Variants in IGSF11 observed in about 807,000 individuals in gnomAD.
The protein encoded by IGSF11 is CXADR like 1.
A neutral mutation model predicts 41.0 loss-of-function variants in IGSF11; 22 were observed. The observed-to-expected ratio is 0.54, with a 90% CI of 0.38 to 0.77. The LOEUF is 0.77. Ranked by LOEUF, IGSF11 falls within the 30% of genes least tolerant of loss-of-function variation. IGSF11 has a pLI of 0.00. For missense variants in IGSF11, 444 were observed against 530.8 expected (o/e 0.84, Z 1.61); for synonymous variants, 219 against 201.3 (o/e 1.09, Z -0.74).
chr3:119,129,618 A>G lies in IGSF11; in HGVS notation c.-14+16195T>C, dbSNP rs182598155. On this transcript the variant is annotated intron_variant, in intron 1 of 7. Coordinates refer to the IGSF11 transcript ENST00000425327. ...AGTGTTAAGTTGCTATAAACTTAAA[A>G]TAACTGATTATAAGATAGTATTTGC... 2.0e-4 allele frequency among the ~76,000 whole-genome samples: 30 copies of G among 152,330 alleles called. No homozygotes were observed. The East Asian group carries it at 5.4e-3, about 27-fold the overall frequency.
intron 1 of IGSF11, among the ~76,000 whole-genome samples, chr3:118,972,469 C>T (rs542140540): frequency 1.3e-5 from 2 of 152,236 alleles, no homozygotes; most frequent in South Asian, 2.1e-4. Context: ...CTGCAGGTTC[C>T]GTAGGGGCAA....
chr3:118,946,597 T>C (rs565451565), intron 1 of IGSF11, among the ~76,000 whole-genome samples: 3 of 152,332 alleles, frequency 2.0e-5, no homozygotes, highest in East Asian at 3.9e-4. Flanking sequence ...TATAGGATTA[T>C]GACTTTGTGT....
chr3:119,141,156 T>C (rs759592284), intron 1 of IGSF11, among the ~76,000 whole-genome samples: 144 of 151,590 alleles, frequency 9.5e-4, no homozygotes, highest in Non-Finnish European at 1.7e-3. Context: ...AAACAACACA[T>C]TCTTAATTAA....
intron 1 of IGSF11, among the ~76,000 whole-genome samples, chr3:119,069,756 C>T (rs555973727): frequency 6.6e-6 from 1 of 151,872 alleles, no homozygotes; most frequent in East Asian, 1.9e-4. Flanking sequence ...TAAAAAGGTG[C>T]TACTTTGTTA....
At chr3:118,926,981 A>G (rs1302923048) in intron 3 of IGSF11, among the ~76,000 whole-genome samples, 1 of 152,200 alleles carries the variant, frequency 6.6e-6, no homozygotes, top group Non-Finnish European at 1.5e-5. Context: ...AGTCTAATTT[A>G]TGATTTATTT....
At chr3:119,119,444 A>G (rs533948542) in intron 1 of IGSF11, among the ~76,000 whole-genome samples, 2 of 152,310 alleles carry the variant, frequency 1.3e-5, no homozygotes, top group African/African-American at 4.8e-5. Context: ...ACCTGTCCCC[A>G]TGATTCAATT....
chr3:118,942,112 C>T (rs1026098190), intron 1 of IGSF11, among the ~76,000 whole-genome samples: 2 of 152,034 alleles, frequency 1.3e-5, no homozygotes, highest in African/African-American at 4.8e-5. Context: ...TATACCTAGA[C>T]AGAGGGATTT....
intron 1 of IGSF11, among the ~76,000 whole-genome samples, chr3:118,998,053 G>A (rs974886706): frequency 2.6e-5 from 4 of 152,098 alleles, no homozygotes; most frequent in African/African-American, 4.8e-5. Flanking sequence ...TGGTAATGGC[G>A]CTTCTATTTT....
At chr3:119,083,576 G>A (rs989946046) in intron 1 of IGSF11, among the ~76,000 whole-genome samples, 1 of 151,038 alleles carries the variant, frequency 6.6e-6, no homozygotes, top group African/African-American at 2.4e-5. Flanking sequence ...ACCACATAAT[G>A]ATGTTTCAGA....
At chr3:119,026,411 C>T (rs772224336) in intron 1 of IGSF11, among the ~76,000 whole-genome samples, 55 of 152,118 alleles carry the variant, frequency 3.6e-4, no homozygotes, top group African/African-American at 1.3e-3. Context: ...AAGACCCTTT[C>T]GGAAAGTCTA....
At chr3:119,056,137 G>A (rs1235173698) in intron 1 of IGSF11, among the ~76,000 whole-genome samples, 1 of 151,724 alleles carries the variant, frequency 6.6e-6, no homozygotes, top group African/African-American at 2.4e-5. Context: ...AGAACTGAAG[G>A]AAATAGAGAC....
intron 1 of IGSF11, among the ~76,000 whole-genome samples, chr3:119,072,879 C>T (rs1327147876): frequency 6.6e-6 from 1 of 152,194 alleles, no homozygotes; most frequent in East Asian, 1.9e-4. Context: ...TGGCCCCACC[C>T]ACATCCTGCT....
At position 118,926,225 on chromosome 3, in the gene IGSF11, T is replaced by G; in HGVS notation, c.456A>C (p.Gln152His). Residue 152 changes from glutamine (Q) to histidine (H), a missense_variant, in exon 4 of 7, where the codon CAA becomes CAC. Gln to His is a conservative substitution (Grantham distance 24). Around this residue, in one of 3 missense-constraint regions of IGSF11, gnomAD observed 193 missense variants for 283.5 expected, o/e 0.68. Transcript: ENST00000393775. The part of the protein sequence containing the change: ...VPPSAPHCQI[Q>H]GSQDIGSDVI... Reference sequence around the variant, plus strand: ...CATCGCTGCCAATATCCTGGGATCCTTGGATTTGGCAGTGTGGGGCAGAAG... The same window carrying G: ...CATCGCTGCCAATATCCTGGGATCCGTGGATTTGGCAGTGTGGGGCAGAAG... 1 of 1,608,934 alleles carries G rather than the reference T, an allele frequency of 6.2e-7. No individual in the cohort carries two copies. The highest frequency in any genetic ancestry group is 8.5e-7 in the Non-Finnish European group (1 of 1,176,590).
chr3:118,952,616 TA>T (rs1401368114), intron 1 of IGSF11, among the ~76,000 whole-genome samples: 2 of 152,132 alleles, frequency 1.3e-5, no homozygotes, highest in Non-Finnish European at 2.9e-5. Flanking sequence ...TCCATTTTTT[TA>T]AGATAGAATA....
At chr3:118,922,507 T>C (rs78196691) in intron 4 of IGSF11, among the ~76,000 whole-genome samples, 8,825 of 152,036 alleles carry the variant, frequency 0.058, 330 homozygotes, top group South Asian at 0.2. Flanking sequence ...CACCATAGTG[T>C]ACATTAGATC....
chr3:119,130,271 G>T lies in IGSF11; in HGVS notation c.-14+15542C>A, dbSNP rs148600168. Among the ~76,000 whole-genome samples the T allele has an allele frequency of 1.4e-4, 22 of 152,278 alleles. No homozygotes were observed. In the East Asian group the frequency reaches 4.1e-3, roughly 28 times the overall value. ...GGCAGGGCATTGCCTCACCCAGAAAGTGCAAAGGGTTGGGAGATTTCCCTT... is the reference window on the plus strand; with the variant it reads ...GGCAGGGCATTGCCTCACCCAGAAATTGCAAAGGGTTGGGAGATTTCCCTT... On this transcript the variant is annotated intron_variant, in intron 1 of 7. Coordinates refer to the IGSF11 transcript ENST00000425327.
Position 118,907,205 on chromosome 3 carries a change from T to C in IGSF11, c.581-1487A>G, listed in dbSNP as rs376896854. Among the ~76,000 whole-genome samples the C allele has an allele frequency of 3.1e-4, 47 of 152,280 alleles. 1 individual carries two copies. In the South Asian group the frequency reaches 9.7e-3, roughly 32 times the overall value. On this transcript the variant is annotated intron_variant, in intron 4 of 6. Coordinates refer to ENST00000393775, the MANE Select transcript of IGSF11 (RefSeq NM_001015887.3). ...AACTGGTTTCTGCTGGCAATCATCATCTCTATCTAGATCAAAGGCAGAAGC... is the reference window on the plus strand; with the variant it reads ...AACTGGTTTCTGCTGGCAATCATCACCTCTATCTAGATCAAAGGCAGAAGC...
chr3:118,957,512 A>G (rs1030794976), intron 1 of IGSF11, among the ~76,000 whole-genome samples: 1 of 152,200 alleles, frequency 6.6e-6, no homozygotes, highest in African/African-American at 2.4e-5. Context: ...AAATGTGTCG[A>G]CATAGAGTTG....
intron 1 of IGSF11, among the ~76,000 whole-genome samples, chr3:118,961,536 C>A (rs1576489725): frequency 1.3e-5 from 2 of 152,078 alleles, no homozygotes. Context: ...TAATTAACCA[C>A]ACAGTGAATA....
Sources: gnomAD v4.1 joint callset for allele counts (sites outside exome capture counted in the v4.1 genomes callset) on GRCh38, gnomAD v4.1.1 for gene constraint, gnomAD v4.1.1 regional missense constraint, MANE v1.5 for transcripts, NCBI Gene and HGNC (gene_info 2026-07-23, HGNC 2026-07-21) for gene names.